MSN: variants seen among roughly 807,000 people sequenced by gnomAD.
MSN encodes the protein epididymis luminal protein 70.
MSN carries 2 observed loss-of-function variants against 48.0 expected under a neutral mutation model. The observed-to-expected ratio is 0.04, with a 90% CI of 0.02 to 0.13. The LOEUF (loss-of-function observed/expected upper bound fraction) is 0.13, where lower values mean the gene tolerates loss of function less well. Ranked by LOEUF, MSN falls within the 10% of genes least tolerant of loss-of-function variation. The pLI is 1.00. For missense variants in MSN, 267 were observed against 470.1 expected (o/e 0.57, Z 3.99); for synonymous variants, 146 against 166.9 (o/e 0.87, Z 0.97).
intron 1 of MSN, among the ~76,000 whole-genome samples, chrX:65,702,260 G>A (rs187710455): frequency 0.014 from 1,419 of 104,731 alleles, 34 homozygotes; most frequent in African/African-American, 0.046. Context: ...TGATCTGCCC[G>A]CCTTGGCCTC....
At chrX:65,728,280 T>G (rs1222272333) in intron 3 of MSN, among the ~76,000 whole-genome samples, 2 of 111,527 alleles carry the variant, frequency 1.8e-5, no homozygotes, top group Admixed American at 9.5e-5. Flanking sequence ...TTTGTGTTTT[T>G]TTTGTTTGTT....
At chrX:65,654,411 G>A (rs1276035132) in intron 1 of MSN, among the ~76,000 whole-genome samples, 1 of 110,083 alleles carries the variant, frequency 9.1e-6, no homozygotes, top group East Asian at 2.8e-4. Context: ...GAGCCACCAC[G>A]CCTGGCCTTG....
At chrX:65,708,302 T>G (rs774806053) in intron 1 of MSN, among the ~76,000 whole-genome samples, 2 of 112,397 alleles carry the variant, frequency 1.8e-5, no homozygotes, top group African/African-American at 6.5e-5. Context: ...ATTTATCATT[T>G]CTTTTTGTGA....
At chrX:65,628,621 C>T (rs934227658) in intron 1 of MSN, among the ~76,000 whole-genome samples, 1 of 112,014 alleles carries the variant, frequency 8.9e-6, no homozygotes, top group East Asian at 2.8e-4. Context: ...CATTTTCCCC[C>T]ATGGTCTTGG....
chrX:65,655,273 T>C (rs1028061249), intron 1 of MSN, among the ~76,000 whole-genome samples: 13 of 111,590 alleles, frequency 1.2e-4, no homozygotes, highest in Non-Finnish European at 2.1e-4. Context: ...TAGGCTTGTT[T>C]CAAGACCCTA....
chrX:65,633,676 G>A (rs757704269), intron 1 of MSN, among the ~76,000 whole-genome samples: 2 of 112,065 alleles, frequency 1.8e-5, no homozygotes, highest in Non-Finnish European at 3.8e-5. Flanking sequence ...CCTTGGGCCA[G>A]CCTCTTCTTC....
chrX:65,678,528 G>T (rs1474958043), intron 1 of MSN, among the ~76,000 whole-genome samples: 1 of 111,433 alleles, frequency 9.0e-6, no homozygotes, highest in Non-Finnish European at 1.9e-5. Flanking sequence ...TTTCTTTGGA[G>T]CAGGTAAAGC....
In MSN at chrX:65,696,683, G is replaced by C. The variant is rs186557831; in HGVS notation, c.13-20135G>C. Among the ~76,000 whole-genome samples, 3 of 111,417 alleles carry C rather than the reference G, an allele frequency of 2.7e-5. 1 individual carries two copies. Among genetic ancestry groups the C allele is most frequent in the African/African-American group, 9.8e-5 (3 of 30,658 alleles). ...TGAAGGTTATATGTTTGTGGTGGTA[G>C]GGGTGCTAAAAACCCTTGTATTATT... On this transcript the variant is annotated intron_variant, in intron 1 of 12. Transcript: ENST00000360270.
At chrX:65,589,416 G>T (rs1041591475) in intron 1 of MSN, among the ~76,000 whole-genome samples, 2 of 111,907 alleles carry the variant, frequency 1.8e-5, no homozygotes, top group Non-Finnish European at 3.8e-5. Flanking sequence ...TCCTGGAATC[G>T]CTGGGCCCAG....
intron 1 of MSN, among the ~76,000 whole-genome samples, chrX:65,595,514 C>G (rs1384857415): frequency 8.9e-6 from 1 of 112,061 alleles, no homozygotes. Context: ...GATTCTGGCC[C>G]TATCTAGTGA....
chrX:65,591,422 CTTG>C (rs2070145994), intron 1 of MSN, among the ~76,000 whole-genome samples: 1 of 112,113 alleles, frequency 8.9e-6, no homozygotes, highest in Admixed American at 9.4e-5. Flanking sequence ...GCACTGGTAT[CTTG>C]TTGGTTCCTG....
chrX:65,631,402 C>G (rs1167112973), intron 1 of MSN, among the ~76,000 whole-genome samples: 1 of 110,782 alleles, frequency 9.0e-6, no homozygotes, highest in Non-Finnish European at 1.9e-5. Context: ...CCCCCTACAT[C>G]CTTCTTAACC....
At chrX:65,670,027 C>G (rs2070914872) in intron 1 of MSN, among the ~76,000 whole-genome samples, 1 of 111,354 alleles carries the variant, frequency 9.0e-6, no homozygotes, top group Non-Finnish European at 1.9e-5. Flanking sequence ...AAATTGCCCA[C>G]TGTTCTCAGA....
intron 1 of MSN, among the ~76,000 whole-genome samples, chrX:65,602,613 G>A (rs996322266): frequency 3.6e-5 from 4 of 111,136 alleles, no homozygotes; most frequent in South Asian, 7.7e-4. Context: ...GCAGACCTGG[G>A]TTTGAGTGGG....
At chrX:65,591,985 C>T (rs2070150556) in intron 1 of MSN, among the ~76,000 whole-genome samples, 1 of 109,650 alleles carries the variant, frequency 9.1e-6, no homozygotes, top group African/African-American at 3.3e-5. Flanking sequence ...GAGTACCTGA[C>T]AGCAACGGGT....
chrX:65,684,316 C>T (rs2071089776), intron 1 of MSN, among the ~76,000 whole-genome samples: 1 of 111,863 alleles, frequency 8.9e-6, no homozygotes, highest in Non-Finnish European at 1.9e-5. Flanking sequence ...TATTGTTCTG[C>T]TTTTTTAACT....
intron 1 of MSN, among the ~76,000 whole-genome samples, chrX:65,711,774 C>T (rs1292696709): frequency 1.8e-5 from 2 of 111,190 alleles, no homozygotes; most frequent in Admixed American, 9.6e-5. Context: ...AAGAATGATT[C>T]GTGGCACAAA....
At chrX:65,683,393 G>GCCGCCACCACCACCA (rs1170159142) in intron 1 of MSN, among the ~76,000 whole-genome samples, 2 of 91,316 alleles carry the variant, frequency 2.2e-5, no homozygotes, top group South Asian at 5.2e-4. Context: ...TGCCGCCGCC[G>GCCGCCACCACCACCA]CCACCACCAC....
intron 1 of MSN, among the ~76,000 whole-genome samples, chrX:65,679,315 C>T (rs749469777): frequency 8.9e-6 from 1 of 112,072 alleles, no homozygotes; most frequent in African/African-American, 3.3e-5. Context: ...CTCCCTCCCC[C>T]ACAACATCCC....
Sources: allele counts gnomAD v4.1 joint callset (sites outside exome capture counted in the v4.1 genomes callset), GRCh38; gene constraint gnomAD v4.1.1; transcripts MANE v1.5; gene names NCBI Gene and HGNC (gene_info 2026-07-23, HGNC 2026-07-21).